SORCS2: variants seen among roughly 807,000 people sequenced by gnomAD.
SORCS2 encodes the protein sortilin related VPS10 domain containing receptor 2, also known as VPS10 domain-containing receptor SorCS2.
In SORCS2, 100 loss-of-function variants were observed where a neutral mutation model predicts 141.6. The ratio of observed to expected loss-of-function variants is 0.71; its 90% confidence interval spans 0.60 to 0.83. The LOEUF is 0.83. SORCS2 is among the 40% of genes least tolerant of loss of function. The probability of loss-of-function intolerance (pLI) is 0.00; values close to 1 mark genes in which losing one functional copy is unlikely to be tolerated. For synonymous variants in SORCS2, 789 were observed against 676.9 expected, an observed-to-expected ratio of 1.17 and a Z score of -2.57; for missense variants, 1,646 against 1,560.2, an observed-to-expected ratio of 1.05 and a Z score of -0.93.
At chr4:7,498,385 T>C (rs908245467) in intron 2 of SORCS2, among the ~76,000 whole-genome samples, 2 of 152,136 alleles carry the variant, frequency 1.3e-5, no homozygotes, top group East Asian at 3.9e-4. Context: ...TTAAGTAACT[T>C]AAATTACATA....
chr4:7,568,015 G>A (rs147934537), intron 3 of SORCS2, among the ~76,000 whole-genome samples: 47 of 152,196 alleles, frequency 3.1e-4, no homozygotes, highest in Non-Finnish European at 4.9e-4. Flanking sequence ...GCTTTCTGGC[G>A]CTACAAGATG....
At chr4:7,304,089 T>C (rs1717624726) in intron 1 of SORCS2, among the ~76,000 whole-genome samples, 1 of 152,260 alleles carries the variant, frequency 6.6e-6, no homozygotes, top group Admixed American at 6.5e-5. Context: ...ATTTAACCAA[T>C]ACTTGTTGAC....
chr4:7,218,202 C>T (rs886794736), intron 1 of SORCS2, among the ~76,000 whole-genome samples: 3 of 152,290 alleles, frequency 2.0e-5, no homozygotes, highest in South Asian at 4.1e-4. Context: ...AAATCCCCAA[C>T]GAGTAGATCC....
chr4:7,313,957 T>C (rs1718372532), intron 1 of SORCS2, among the ~76,000 whole-genome samples: 1 of 152,208 alleles, frequency 6.6e-6, no homozygotes, highest in Admixed American at 6.5e-5. Context: ...GAGCCCACCA[T>C]GCCACAGGTG....
Position 7,197,710 on chromosome 4 carries a change from T to A in SORCS2, c.480+4584T>A, listed in dbSNP as rs748863505. Among the ~76,000 whole-genome samples the A allele has an allele frequency of 2.5e-4, 38 of 151,946 alleles. 1 individual carries two copies. The highest frequency in any genetic ancestry group is 1.5e-5 in the Non-Finnish European group (1 of 67,998). On this transcript the variant is annotated intron_variant, in intron 1 of 26. Coordinates refer to ENST00000507866, the MANE Select transcript of SORCS2 (RefSeq NM_020777.3). ...GGAGACAAACCATAGAAAAGAAGTTTGGAAAAAATAGATTAAAAAGTCAGC... is the reference window on the plus strand; with the variant it reads ...GGAGACAAACCATAGAAAAGAAGTTAGGAAAAAATAGATTAAAAAGTCAGC...
At chr4:7,297,954 G>A (rs993607016) in intron 1 of SORCS2, among the ~76,000 whole-genome samples, 8 of 152,208 alleles carry the variant, frequency 5.3e-5, no homozygotes, top group East Asian at 1.9e-4. Context: ...GCTGGTATCC[G>A]CCTTGCAGGC....
intron 1 of SORCS2, among the ~76,000 whole-genome samples, chr4:7,353,414 ACAGGCACC>A (rs1446636303): frequency 6.6e-6 from 1 of 152,110 alleles, no homozygotes; most frequent in African/African-American, 2.4e-5. Flanking sequence ...TTAGAAGGAG[ACAGGCACC>A]CAGAGGTGGG....
chr4:7,712,318 G>A (rs1429419766), intron 14 of SORCS2, among the ~76,000 whole-genome samples: 1 of 152,214 alleles, frequency 6.6e-6, no homozygotes, highest in Admixed American at 6.5e-5. Flanking sequence ...CCAGGGAGAA[G>A]CCAGACAGCT....
intron 1 of SORCS2, among the ~76,000 whole-genome samples, chr4:7,218,943 G>C (rs1005420912): frequency 6.6e-6 from 1 of 152,158 alleles, no homozygotes; most frequent in African/African-American, 2.4e-5. Context: ...CTGAAACACA[G>C]TGCTCCCGTG....
rs1722307506 is a variant in SORCS2 at position 7,663,412 on chromosome 4, C to T, written c.953-941C>T. 6.6e-6 allele frequency among the ~76,000 whole-genome samples: 1 copy of T among 152,236 alleles called. No homozygotes were observed. The highest frequency in any genetic ancestry group is 6.5e-5 in the Admixed American group (1 of 15,294). ...TGAGCTAGTCATTTCACTGCATCTC[C>T]AGCCAGGCAGCCCCACTGCAGGAAG... On this transcript the variant is annotated intron_variant, in intron 6 of 26. Transcript: ENST00000507866. The surrounding 1 kb of genome is among the most constrained non-coding windows in gnomAD (Gnocchi z 4.8).
At chr4:7,625,175 C>G (rs948326821) in intron 3 of SORCS2, among the ~76,000 whole-genome samples, 3 of 152,136 alleles carry the variant, frequency 2.0e-5, no homozygotes, top group Non-Finnish European at 4.4e-5. Flanking sequence ...AAAACAGAAC[C>G]AGCTCTTTCC....
intron 2 of SORCS2, among the ~76,000 whole-genome samples, chr4:7,519,639 G>T (rs1733198063): frequency 6.6e-6 from 1 of 152,244 alleles, no homozygotes; most frequent in African/African-American, 2.4e-5. Flanking sequence ...CACCTTTCTA[G>T]AACTTCTGCC....
At chr4:7,357,565 T>C (rs753808537) in intron 1 of SORCS2, among the ~76,000 whole-genome samples, 46 of 152,222 alleles carry the variant, frequency 3.0e-4, no homozygotes, top group Non-Finnish European at 5.0e-4. Flanking sequence ...ACAGTGCTAA[T>C]TGAGTGATAA....
chr4:7,244,262 C>A (rs1208630448), intron 1 of SORCS2, among the ~76,000 whole-genome samples: 1 of 152,240 alleles, frequency 6.6e-6, no homozygotes, highest in Non-Finnish European at 1.5e-5. Context: ...CCACTTGGAA[C>A]AAGCTTGGGG....
chr4:7,430,735 C>T (rs1726785134), intron 2 of SORCS2: 1 of 152,272 alleles, frequency 6.6e-6, no homozygotes, highest in Non-Finnish European at 1.5e-5. Flanking sequence ...ACTTCTAGGC[C>T]CAGTAGGGCC....
At chr4:7,724,010 G>C in intron 19 of SORCS2, 127 bp downstream of exon 19, 1 of 1,154,998 alleles carries the variant, frequency 8.7e-7, no homozygotes, top group Non-Finnish European at 1.2e-6. Flanking sequence ...GTGAACCCGA[G>C]GGCAGGGAGG....
intron 2 of SORCS2, among the ~76,000 whole-genome samples, chr4:7,413,611 C>T (rs759432173): frequency 9.7e-4 from 147 of 152,246 alleles, no homozygotes; most frequent in Non-Finnish European, 1.8e-3. Flanking sequence ...TGGTCTCAAA[C>T]TCTTGGCCTC....
chr4:7,232,689 C>T (rs1711982697), intron 1 of SORCS2, among the ~76,000 whole-genome samples: 1 of 152,222 alleles, frequency 6.6e-6, no homozygotes, highest in African/African-American at 2.4e-5. Context: ...AGGGATGCCA[C>T]ACTGTGTCGA....
At chr4:7,346,029 GTGTAGTTTTTC>G (rs1310573618) in intron 1 of SORCS2, among the ~76,000 whole-genome samples, 4 of 152,070 alleles carry the variant, frequency 2.6e-5, no homozygotes, top group African/African-American at 9.7e-5. Context: ...TTATTTTTCT[GTGTAGTTTTTC>G]TGCCATCTGT....
Sources: gnomAD v4.1 joint callset for allele counts (sites outside exome capture counted in the v4.1 genomes callset) on GRCh38, gnomAD v4.1.1 for gene constraint, Gnocchi (gnomAD v3.1) non-coding constraint, MANE v1.5 for transcripts, NCBI Gene and HGNC (gene_info 2026-07-23, HGNC 2026-07-21) for gene names.